The following DPH6 variants were observed in gnomAD, a reference collection of about 807,000 sequenced individuals.
DPH6 encodes diphthamine biosynthesis 6.
A neutral mutation model predicts 38.2 loss-of-function variants in DPH6; 33 were observed. That is an observed-to-expected ratio of 0.86 (90% CI 0.65 to 1.15). The LOEUF is 1.15. Ranked by LOEUF, DPH6 falls within the 50% of genes most tolerant of loss-of-function variation. The pLI is 0.00. For synonymous variants in DPH6, 108 were observed against 103.0 expected, an observed-to-expected ratio of 1.05 and a Z score of -0.30; for missense variants, 325 against 320.0, an observed-to-expected ratio of 1.02 and a Z score of -0.12.
chr15:35,258,796 C>T (rs1470314358), intron 3 of DPH6, among the ~76,000 whole-genome samples: 1 of 152,056 alleles, frequency 6.6e-6, no homozygotes, highest in East Asian at 1.9e-4. Context: ...AATCCTTTCT[C>T]CCTCCCTTAT....
chr15:35,481,476 A>G (rs1361355274), intron 3 of DPH6, among the ~76,000 whole-genome samples: 1 of 152,224 alleles, frequency 6.6e-6, no homozygotes, highest in African/African-American at 2.4e-5. Flanking sequence ...TTCAAACAAA[A>G]AAATTGTAAA....
intron 5 of DPH6, among the ~76,000 whole-genome samples, chr15:35,415,194 C>T (rs2053420595): frequency 6.6e-6 from 1 of 151,956 alleles, no homozygotes; most frequent in South Asian, 2.1e-4. Context: ...AAATCCAAAG[C>T]ATGAATATAC....
chr15:35,427,168 G>C (rs2053580384), intron 5 of DPH6, among the ~76,000 whole-genome samples: 1 of 151,818 alleles, frequency 6.6e-6, no homozygotes, highest in Non-Finnish European at 1.5e-5. Flanking sequence ...GTTTAGTTTA[G>C]TTTTATTTTG....
At chr15:35,489,383 G>A (rs2054446651) in intron 3 of DPH6, 1 of 985,156 alleles carries the variant, frequency 1.0e-6, no homozygotes, top group Admixed American at 6.2e-5. Flanking sequence ...ATTTTTTTCT[G>A]TCCTTGAAAC....
At chr15:35,349,107 A>G (rs2052486939) in intron 3 of DPH6, among the ~76,000 whole-genome samples, 1 of 152,090 alleles carries the variant, frequency 6.6e-6, no homozygotes, top group African/African-American at 2.4e-5. Context: ...TTGTGAACAG[A>G]GTTAATTTTA....
chr15:35,527,564 G>A (rs2055023008), intron 3 of DPH6, among the ~76,000 whole-genome samples: 1 of 152,146 alleles, frequency 6.6e-6, no homozygotes, highest in South Asian at 2.1e-4. Flanking sequence ...GTTAAAATGT[G>A]ACATGAGGGT....
intron 2 of DPH6, among the ~76,000 whole-genome samples, chr15:35,541,421 T>C (rs926610555): frequency 4.6e-5 from 7 of 152,134 alleles, no homozygotes; most frequent in Admixed American, 2.6e-4. Flanking sequence ...ATAGAAGATA[T>C]GATCTCTCTT....
rs547311025 is a variant in DPH6, at chr15:35,282,024, TATA to T, written n.201-61445_201-61443del. ...ATTTAGACAACATAGTATTCAAGAA[TATA>T]ATATTATTCAACTCATTTTATCAGC... is the stretch of plus-strand genomic sequence containing the variant. On this transcript the variant is annotated intron_variant and non_coding_transcript_variant, in intron 3 of 3. Transcript: ENST00000560386. Among the ~76,000 whole-genome samples the T allele has an allele frequency of 4.5e-4, 68 of 152,332 alleles. No homozygotes were observed. The South Asian group carries it at 6.2e-3, about 14-fold the overall frequency.
At chr15:35,366,094 G>T (rs1166374820), downstream of DPH6, 1 of 896,442 alleles carries the variant, frequency 1.1e-6, no homozygotes, top group African/African-American at 1.8e-5. Context: ...TATTTTGTAG[G>T]TTGTATAGAG....
chr15:35,233,915 C>T (rs2051535170), intron 3 of DPH6, among the ~76,000 whole-genome samples: 1 of 152,196 alleles, frequency 6.6e-6, no homozygotes, highest in African/African-American at 2.4e-5. Context: ...CAGATAAATG[C>T]TCTGCTTCCC....
chr15:35,328,177 T>C (rs538560918), downstream of DPH6, among the ~76,000 whole-genome samples: 100 of 152,286 alleles, frequency 6.6e-4, 2 homozygotes, highest in Middle Eastern at 3.4e-3. Context: ...TCATAGCCTC[T>C]ACCACTATTT....
chr15:35,239,380 G>A (rs2140399570), intron 3 of DPH6, among the ~76,000 whole-genome samples: 1 of 143,872 alleles, frequency 7.0e-6, no homozygotes, highest in African/African-American at 2.5e-5. Context: ...CCAAACTCCG[G>A]CGCCGGTCAC....
chr15:35,339,036 G>T (rs972413616), intron 3 of DPH6, among the ~76,000 whole-genome samples: 3 of 151,826 alleles, frequency 2.0e-5, no homozygotes, highest in African/African-American at 4.8e-5. Flanking sequence ...CTGTTGTGGG[G>T]TGGGGGTAGC....
chr15:35,432,894 C>CT (rs1406213693), intron 5 of DPH6, among the ~76,000 whole-genome samples: 1 of 152,134 alleles, frequency 6.6e-6, no homozygotes, highest in East Asian at 1.9e-4. Context: ...GGTCAAAAAA[C>CT]TGTCAGGTAC....
chr15:35,310,509 A>G (rs1215964935), intron 3 of DPH6, among the ~76,000 whole-genome samples: 1 of 152,128 alleles, frequency 6.6e-6, no homozygotes, highest in Non-Finnish European at 1.5e-5. Context: ...ACTACATTGC[A>G]ATTATGAACG....
At chr15:35,477,441 A>G (rs780338019) in intron 3 of DPH6, among the ~76,000 whole-genome samples, 16 of 151,836 alleles carry the variant, frequency 1.1e-4, no homozygotes, top group Non-Finnish European at 1.8e-4. Flanking sequence ...AGGTACTGCA[A>G]AGGCTGCATG....
At chr15:35,500,897 C>T (rs1262409394) in intron 3 of DPH6, among the ~76,000 whole-genome samples, 3 of 152,040 alleles carry the variant, frequency 2.0e-5, no homozygotes, top group Admixed American at 6.6e-5. Context: ...CCTGCCACCA[C>T]GCCCAGCTAA....
chr15:35,301,151 A>G (rs1050831494), intron 3 of DPH6, among the ~76,000 whole-genome samples: 3 of 152,206 alleles, frequency 2.0e-5, no homozygotes, highest in Non-Finnish European at 4.4e-5. Flanking sequence ...TGAGAAATTT[A>G]AAACCGTATG....
intron 6 of DPH6, among the ~76,000 whole-genome samples, chr15:35,410,240 G>C (rs1473047111): frequency 6.6e-6 from 1 of 151,738 alleles, no homozygotes; most frequent in Non-Finnish European, 1.5e-5. Flanking sequence ...AAACATTCTA[G>C]TTAATGATGC....
Sources: gnomAD v4.1 joint callset for allele counts (sites outside exome capture counted in the v4.1 genomes callset) on GRCh38, gnomAD v4.1.1 for gene constraint, MANE v1.5 for transcripts, NCBI Gene and HGNC (gene_info 2026-07-23, HGNC 2026-07-21) for gene names.